UGT1A10: variants seen among roughly 807,000 people sequenced by gnomAD.
UGT1A10 encodes the protein UDP-glucuronosyltransferase 1A10.
UGT1A10 carries 49 observed loss-of-function variants against 45.8 expected under a neutral mutation model. The observed-to-expected ratio is 1.07, with a 90% confidence interval of 0.85 to 1.36. The LOEUF is 1.36. Among genes scored for constraint, UGT1A10 ranks in the 40% most tolerant of loss-of-function variants. The pLI is 0.00. For synonymous variants in UGT1A10, 284 were observed against 249.7 expected, an observed-to-expected ratio of 1.14 and a Z score of -1.29; for missense variants, 745 against 668.6, an observed-to-expected ratio of 1.11 and a Z score of -1.26.
At position 233,636,542 on chromosome 2, in the gene UGT1A10, C is replaced by A; in HGVS notation, c.20C>A (p.Thr7Asn). The change falls in exon 1 of 5, where the codon ACC (threonine) becomes AAC (asparagine). Residue 7 changes from threonine to asparagine, a missense_variant. Transcript: ENST00000344644. ...TCTCTCATGGCTCGCGCAGGGTGGA[C>A]CAGCCCCGTTCCTTTATGTGTGTGT... MARAGW[T>N]SPVPLCVCLL... is the part of the protein sequence containing the mutation. 1 of 1,613,786 alleles carries A rather than the reference C, an allele frequency of 6.2e-7. No individual in the cohort carries two copies. The highest frequency in any genetic ancestry group is 1.3e-5 in the African/African-American group (1 of 75,034).
chr2:233,680,398 G>A (rs2074485510), intron 1 of UGT1A10, among the ~76,000 whole-genome samples: 1 of 152,206 alleles, frequency 6.6e-6, no homozygotes. Flanking sequence ...GCAACAGGAG[G>A]TAGCAACAAA....
chr2:233,767,370 A>G (rs1265140795), intron 2 of UGT1A10, among the ~76,000 whole-genome samples: 1 of 152,186 alleles, frequency 6.6e-6, no homozygotes, highest in Non-Finnish European at 1.5e-5. Context: ...CTATTAAACT[A>G]TGATCCACCA....
intron 1 of UGT1A10, among the ~76,000 whole-genome samples, chr2:233,700,403 C>T (rs1036096204): frequency 2.0e-5 from 3 of 152,080 alleles, no homozygotes; most frequent in Admixed American, 6.5e-5. Flanking sequence ...ATTTTGGCAG[C>T]AGTGTTTCTG....
Position 233,747,246 on chromosome 2 carries a change from G to C in UGT1A10, c.856-19788G>C, listed in dbSNP as rs1208197105. On this transcript the variant is annotated intron_variant, in intron 1 of 4. Coordinates refer to ENST00000344644, the MANE Select transcript of UGT1A10 (RefSeq NM_019075.4). ...CAGGACCCCAGGTTCCCCTGCTGTG[G>C]CTGGCCACAGGAGTGCTACTCCTTC... The C allele has an allele frequency of 3.7e-6, 6 of 1,601,870 alleles. No individual in the cohort carries two copies. The African/African-American group carries it at 5.4e-5, about 14-fold the overall frequency.
chr2:233,669,588 T>C (rs559068232), intron 1 of UGT1A10, among the ~76,000 whole-genome samples: 3 of 152,332 alleles, frequency 2.0e-5, no homozygotes, highest in Non-Finnish European at 4.4e-5. Flanking sequence ...TTTTCAATTG[T>C]TCATTGCTAG....
At chr2:233,725,435 A>G (rs1455918541) in intron 1 of UGT1A10, among the ~76,000 whole-genome samples, 2 of 151,954 alleles carry the variant, frequency 1.3e-5, no homozygotes, top group Non-Finnish European at 2.9e-5. Context: ...AATATAATGT[A>G]AGCCACATAC....
intron 1 of UGT1A10, among the ~76,000 whole-genome samples, chr2:233,663,143 C>T (rs935029243): frequency 1.3e-4 from 20 of 152,254 alleles, no homozygotes; most frequent in African/African-American, 4.1e-4. Flanking sequence ...GCCCATTCCC[C>T]TCTCCTCCAA....
At chr2:233,719,240 C>T (rs753605986) in intron 1 of UGT1A10, 10 of 1,614,038 alleles carry the variant, frequency 6.2e-6, no homozygotes, top group Non-Finnish European at 8.5e-6. Context: ...TGATCAGGCA[C>T]CTGAATGCTA....
At chr2:233,739,481 A>C (rs1429465625) in intron 1 of UGT1A10, among the ~76,000 whole-genome samples, 1 of 152,208 alleles carries the variant, frequency 6.6e-6, no homozygotes, top group Non-Finnish European at 1.5e-5. Flanking sequence ...GTGGGAGCCC[A>C]TTTCTGGCAT....
chr2:233,757,545 T>TAC (rs1696610377), intron 1 of UGT1A10, among the ~76,000 whole-genome samples: 1 of 65,910 alleles, frequency 1.5e-5, no homozygotes, highest in African/African-American at 6.3e-5. Flanking sequence ...AATATATATA[T>TAC]ATATATATAT....
chr2:233,640,157 G>T (rs2073414032), intron 1 of UGT1A10, among the ~76,000 whole-genome samples: 1 of 152,256 alleles, frequency 6.6e-6, no homozygotes, highest in Admixed American at 6.5e-5. Context: ...CAAGACTAAG[G>T]CCTCCCACTA....
chr2:233,757,296 G>T (rs1428870685), intron 1 of UGT1A10, among the ~76,000 whole-genome samples: 51 of 129,586 alleles, frequency 3.9e-4, no homozygotes, highest in African/African-American at 1.4e-3. Flanking sequence ...ACAGCTGGGG[G>T]TTGGGGGACA....
chr2:233,675,177 TA>T (rs2074312930), intron 1 of UGT1A10, among the ~76,000 whole-genome samples: 1 of 152,140 alleles, frequency 6.6e-6, no homozygotes, highest in Admixed American at 6.6e-5. Flanking sequence ...TTAAATACTT[TA>T]ACAAGGATGG....
At chr2:233,697,028 C>T (rs2075370702) in intron 1 of UGT1A10, among the ~76,000 whole-genome samples, 2 of 151,876 alleles carry the variant, frequency 1.3e-5, no homozygotes, top group Non-Finnish European at 2.9e-5. Context: ...GATATGGGCC[C>T]GCAGTTTTCT....
chr2:233,731,901 A>G (rs1358657529), intron 1 of UGT1A10, among the ~76,000 whole-genome samples: 15 of 152,182 alleles, frequency 9.9e-5, no homozygotes, highest in Non-Finnish European at 1.9e-4. Flanking sequence ...ACTCCCACCA[A>G]TGGTGTAAAA....
In UGT1A10 at chr2:233,769,763, G is replaced by A; in HGVS notation, c.1295+1324G>A. 4 of 1,411,540 alleles carry A rather than the reference G, an allele frequency of 2.8e-6. No homozygotes were observed. The South Asian group carries it at 4.7e-5, about 17-fold the overall frequency. The allele number at this position is 1,411,540 out of a possible 1,614,324, so 87.4% of individuals were successfully genotyped here. A position where few individuals can be genotyped will look rare whatever the true frequency, so the allele number is the denominator to read the frequency against. ...CCAGCCACTCTGGAGGCTAAGGCGG[G>A]AGGATTGCTTGAGCCCAGAAGTTGG... On this transcript the variant is annotated intron_variant, in intron 4 of 4. Transcript: ENST00000344644. The surrounding 1 kb of genome is among the most constrained non-coding windows in gnomAD (Gnocchi z 4.4).
chr2:233,700,609 T>TG (rs34100835), intron 1 of UGT1A10, among the ~76,000 whole-genome samples: 57 of 152,266 alleles, frequency 3.7e-4, no homozygotes, highest in African/African-American at 1.1e-3. Context: ...ACTCTTTTTT[T>TG]GGGGGGGTTC....
intron 1 of UGT1A10, chr2:233,672,488 C>A (rs2074228820): frequency 6.2e-7 from 1 of 1,613,962 alleles, no homozygotes; most frequent in Non-Finnish European, 8.5e-7. Context: ...CAGTGCCCTG[C>A]TCCTCTTTCC....
intron 1 of UGT1A10, among the ~76,000 whole-genome samples, chr2:233,756,943 A>G (rs1162189517): frequency 6.6e-6 from 1 of 152,066 alleles, no homozygotes; most frequent in Non-Finnish European, 1.5e-5. Context: ...CATAACCTGA[A>G]ACCCGGACTT....
Sources: gnomAD v4.1 joint callset for allele counts (sites outside exome capture counted in the v4.1 genomes callset) on GRCh38, gnomAD v4.1.1 for gene constraint, Gnocchi (gnomAD v3.1) non-coding constraint, MANE v1.5 for transcripts, NCBI Gene and HGNC (gene_info 2026-07-23, HGNC 2026-07-21) for gene names.